The following TIFA variants were observed in gnomAD, a reference collection of about 807,000 sequenced individuals.
TIFA encodes the protein TRAF interacting protein with forkhead associated domain.
For synonymous variants in TIFA, 75 were observed against 79.2 expected, an observed-to-expected ratio of 0.95 and a Z score of 0.28; for missense variants, 186 against 215.2, an observed-to-expected ratio of 0.86 and a Z score of 0.85.
In TIFA at chr4:112,278,359, C is replaced by T; in HGVS notation, c.58G>A (p.Val20Ile). 1 of 1,606,528 alleles carries T rather than the reference C, an allele frequency of 6.2e-7. No homozygotes were observed. Among genetic ancestry groups the T allele is most frequent in the Non-Finnish European group, 8.5e-7 (1 of 1,176,296 alleles). The change falls in exon 2 of 2, where the codon GTT (valine) becomes ATT (isoleucine). Residue 20 changes from valine to isoleucine, a missense_variant. Coordinates refer to ENST00000361717, the MANE Select transcript of TIFA (RefSeq NM_052864.3). ...EETVTCLQMTVYHPGQLQCGI... is the reference protein window; with the variant it reads ...EETVTCLQMTIYHPGQLQCGI... ...CACTGCAACTGGCCAGGATGGTAAA[C>T]CGTCATCTGGAGACAAGTTACTGTC... is the stretch of plus-strand genomic sequence containing the variant.
rs913838584 is a variant in TIFA at position 112,275,912 on chromosome 4, T to C, written c.*1950A>G. On this transcript the variant is annotated 3_prime_UTR_variant, in exon 2 of 2. Transcript: ENST00000361717. ...ATACACTTCACTCATAGAACGCCTTTACCATGAGACTACACACTGTAAGCA... is the reference window on the plus strand; with the variant it reads ...ATACACTTCACTCATAGAACGCCTTCACCATGAGACTACACACTGTAAGCA... 2.0e-5 allele frequency: 3 copies of C among 152,010 alleles called. No individual in the cohort carries two copies. Among genetic ancestry groups the C allele is most frequent in the Non-Finnish European group, 4.4e-5 (3 of 67,990 alleles). 9.4% of individuals were successfully genotyped at this position (152,010 alleles called of 1,614,324 possible). A position where few individuals can be genotyped will look rare whatever the true frequency, so the allele number is the denominator to read the frequency against.
rs770689605 is a variant in TIFA, at chr4:112,277,909, A to T, written c.508T>A (p.Ser170Thr). The T allele has an allele frequency of 3.7e-6, 6 of 1,611,108 alleles. No homozygotes were observed. The highest frequency in any genetic ancestry group is 1.3e-5 in the African/African-American group (1 of 74,620). Residue 170 changes from serine to threonine, a missense_variant, in exon 2 of 2, where the codon TCC becomes ACC. Coordinates refer to ENST00000361717, the MANE Select transcript of TIFA (RefSeq NM_052864.3). ...TCTGTCGGAGAACTGCTTTGGGAGG[A>T]GCAGAGCGAATAAGTGCCATACTCC... ...IPEYGTYSLC[S>T]SQSSSPTEMD...
intron 1 of TIFA, among the ~76,000 whole-genome samples, chr4:112,283,684 A>C (rs1258894436): frequency 6.6e-6 from 1 of 152,224 alleles, no homozygotes; most frequent in Non-Finnish European, 1.5e-5. Context: ...TTATCAAAGA[A>C]ACAGGGCAAC....
intron 1 of TIFA, among the ~76,000 whole-genome samples, chr4:112,282,793 G>A (rs534210737): frequency 1.3e-5 from 2 of 152,278 alleles, no homozygotes; most frequent in South Asian, 4.1e-4. Flanking sequence ...GGAAGCGGGG[G>A]ACCCCCTGCT....
intron 1 of TIFA, among the ~76,000 whole-genome samples, chr4:112,283,091 C>A (rs1478253261): frequency 6.6e-6 from 1 of 152,190 alleles, no homozygotes; most frequent in African/African-American, 2.4e-5. Context: ...GGTTTAAAAA[C>A]CAGCCCAGAT....
At position 112,275,324 on chromosome 4, in the gene TIFA, A is replaced by C. The variant is rs111762120; in HGVS notation, c.*2538T>G. The C allele has an allele frequency of 7.2e-5, 11 of 152,280 alleles. No individual in the cohort carries two copies. Among genetic ancestry groups the C allele is most frequent in the African/African-American group, 2.2e-4 (9 of 41,550 alleles). 9.4% of individuals were successfully genotyped at this position (152,280 alleles called of 1,614,324 possible). A position where few individuals can be genotyped will look rare whatever the true frequency, so the allele number is the denominator to read the frequency against. On this transcript the variant is annotated 3_prime_UTR_variant, in exon 2 of 2. Transcript: ENST00000361717. ...ACAGGTGGCCATGGAGCCAATATGC[A>C]TTGAGGGTCAGAGCCAGAGCATTCG... is the stretch of plus-strand genomic sequence containing the variant.
Position 112,285,680 on chromosome 4 carries a change from C to G in TIFA, c.-59G>C, listed in dbSNP as rs922448129. On this transcript the variant is annotated 5_prime_UTR_variant, in exon 1 of 2. Coordinates refer to ENST00000361717, the MANE Select transcript of TIFA (RefSeq NM_052864.3). ...CAGTGAACTCTCTTCAGCTGTTCGG[C>G]TCTCCCGGCTCAGAGCGAGGGGAAT... The G allele has an allele frequency of 6.6e-6, 1 of 152,402 alleles. No homozygotes were observed. The highest frequency in any genetic ancestry group is 2.4e-5 in the African/African-American group (1 of 41,468). The allele number at this position is 152,402 out of a possible 1,614,324, so 9.4% of individuals were successfully genotyped here.
intron 1 of TIFA, among the ~76,000 whole-genome samples, chr4:112,282,442 T>A (rs1727244300): frequency 6.6e-6 from 1 of 152,238 alleles, no homozygotes; most frequent in African/African-American, 2.4e-5. Context: ...CATAGTTTAA[T>A]TTTTTTAATT....
intron 1 of TIFA, among the ~76,000 whole-genome samples, chr4:112,283,787 A>G (rs372623746): frequency 6.6e-6 from 1 of 151,952 alleles, no homozygotes; most frequent in East Asian, 1.9e-4. Flanking sequence ...CTGCACACAC[A>G]CTCTACACCT....
chr4:112,280,465 T>TCAAG (rs1727207904), intron 1 of TIFA, among the ~76,000 whole-genome samples: 1 of 148,122 alleles, frequency 6.8e-6, no homozygotes, highest in Non-Finnish European at 1.5e-5. Context: ...TTCTCCTGTC[T>TCAAG]CAGCCTCCCG....
intron 1 of TIFA, among the ~76,000 whole-genome samples, chr4:112,285,290 G>A (rs1578433829): frequency 6.6e-6 from 1 of 151,746 alleles, no homozygotes; most frequent in East Asian, 1.9e-4. Flanking sequence ...GGGGAGGGGG[G>A]TCACGCACAA....
rs1156714731 is a variant in TIFA, at chr4:112,276,946, G to A, written c.*916C>T. On this transcript the variant is annotated 3_prime_UTR_variant, in exon 2 of 2. Coordinates refer to ENST00000361717, the MANE Select transcript of TIFA (RefSeq NM_052864.3). ...CTTAAATAAATAAATTTTTATTTAA[G>A]AACTGAAAAAGACTTTTTTGAAGTT... 3 of 152,026 alleles carry A rather than the reference G, an allele frequency of 2.0e-5. No individual in the cohort carries two copies. The highest frequency in any genetic ancestry group is 7.2e-5 in the African/African-American group (3 of 41,408). The allele number at this position is 152,026 out of a possible 1,614,324, so 9.4% of individuals were successfully genotyped here. A position where few individuals can be genotyped will look rare whatever the true frequency, so the allele number is the denominator to read the frequency against.
chr4:112,278,360 C>A lies in TIFA; in HGVS notation c.57G>T (p.Thr19=). 1 of 1,605,144 alleles carries A rather than the reference C, an allele frequency of 6.2e-7. No individual in the cohort carries two copies. Among genetic ancestry groups the A allele is most frequent in the Non-Finnish European group, 8.5e-7 (1 of 1,175,590 alleles). ...ACTGCAACTGGCCAGGATGGTAAAC[C>A]GTCATCTGGAGACAAGTTACTGTCT... is the stretch of plus-strand genomic sequence containing the variant. ...TEETVTCLQM[T]VYHPGQLQCG... is the part of the protein sequence containing the mutation. The change falls in exon 2 of 2, where the codon ACG becomes ACT. Residue 19 remains threonine, a synonymous_variant. Transcript: ENST00000361717.
intron 1 of TIFA, among the ~76,000 whole-genome samples, chr4:112,283,764 G>T (rs1175847619): frequency 6.6e-6 from 1 of 151,892 alleles, no homozygotes; most frequent in African/African-American, 2.4e-5. Flanking sequence ...ATAGGAAGGA[G>T]ACTTACTCTC....
At chr4:112,279,403 T>C (rs1281359985) in intron 1 of TIFA, among the ~76,000 whole-genome samples, 1 of 152,344 alleles carries the variant, frequency 6.6e-6, no homozygotes, top group Admixed American at 6.5e-5. Flanking sequence ...TAAAAGTACA[T>C]GTACATGATT....
At position 112,274,734 on chromosome 4, in the gene TIFA, A is replaced by G. The variant is rs1241533538; in HGVS notation, c.*3128T>C. 6.6e-6 allele frequency: 1 copy of G among 152,124 alleles called. No individual in the cohort carries two copies. Among genetic ancestry groups the G allele is most frequent in the Admixed American group, 6.5e-5 (1 of 15,276 alleles). The allele number at this position is 152,124 out of a possible 1,614,324, so 9.4% of individuals were successfully genotyped here. A position where few individuals can be genotyped will look rare whatever the true frequency, so the allele number is the denominator to read the frequency against. On this transcript the variant is annotated 3_prime_UTR_variant, in exon 2 of 2. Transcript: ENST00000361717. ...ATTTACACATATAAATTTTTTTTTA[A>G]TGTAAAGCTTAAGTGAACACATACC... is the stretch of plus-strand genomic sequence containing the variant.
At chr4:112,281,365 A>G (rs988277864) in intron 1 of TIFA, among the ~76,000 whole-genome samples, 1 of 152,210 alleles carries the variant, frequency 6.6e-6, no homozygotes, top group Non-Finnish European at 1.5e-5. Flanking sequence ...CAACCACAAG[A>G]AAAGCTTACC....
chr4:112,277,674 G>GGTGGT lies in TIFA; in HGVS notation c.*187_*188insACCAC. On this transcript the variant is annotated 3_prime_UTR_variant, in exon 2 of 2. Coordinates refer to ENST00000361717, the MANE Select transcript of TIFA (RefSeq NM_052864.3). ...GTTAAAATAATTTTGTGTAGATCCA[G>GGTGGT]AATACAACAGGTGACTAAGTTAATG... 7 of 431,852 alleles carry GGTGGT rather than the reference G, an allele frequency of 1.6e-5. No homozygotes were observed. In the South Asian group the frequency reaches 3.0e-4, roughly 18 times the overall value. 26.8% of individuals were successfully genotyped at this position (431,852 alleles called of 1,614,324 possible).
chr4:112,280,072 C>T (rs1044012093), intron 1 of TIFA, among the ~76,000 whole-genome samples: 5 of 152,160 alleles, frequency 3.3e-5, no homozygotes, highest in African/African-American at 9.7e-5. Context: ...AACTGTAGCA[C>T]GGCGAGAAGT....
Sources: gnomAD v4.1 joint callset for allele counts (sites outside exome capture counted in the v4.1 genomes callset) on GRCh38, gnomAD v4.1.1 for gene constraint, MANE v1.5 for transcripts, NCBI Gene and HGNC (gene_info 2026-07-23, HGNC 2026-07-21) for gene names.